The following DOCK8 variants were observed in gnomAD, a reference collection of about 807,000 sequenced individuals.
DOCK8 encodes the protein dedicator of cytokinesis 8, also known as dedicator of cytokinesis protein 8.
DOCK8 carries 141 observed loss-of-function variants against 245.6 expected under a neutral mutation model. The ratio of observed to expected loss-of-function variants is 0.57; its 90% CI spans 0.50 to 0.66. The LOEUF is 0.66. DOCK8 is among the 30% of genes least tolerant of loss of function. DOCK8 has a pLI of 0.00. For synonymous variants in DOCK8, 1,168 were observed against 970.2 expected (o/e 1.20, Z -3.79); for missense variants, 2,965 against 2,603.4 (o/e 1.14, Z -3.02).
At chr9:249,580 A>G (rs1257104771) in intron 1 of DOCK8, among the ~76,000 whole-genome samples, 2 of 152,118 alleles carry the variant, frequency 1.3e-5, no homozygotes, top group East Asian at 1.9e-4. Context: ...TTAATAGTTT[A>G]GCATGCTATT....
Position 244,792 on chromosome 9 carries a change from C to G in DOCK8, c.54-26835C>G, listed in dbSNP as rs10120842. ...AAGCTCAAAACTGCTGGAGGTGCTT[C>G]CCACCATAGCTCGTGAAGGCCCTAT... On this transcript the variant is annotated intron_variant, in intron 1 of 47. Transcript: ENST00000432829. Among the ~76,000 whole-genome samples the G allele has an allele frequency of 5.8e-3, 882 of 152,270 alleles. 5 individuals carry two copies. Among genetic ancestry groups the G allele is most frequent in the African/African-American group, 0.02 (820 of 41,546 alleles).
At position 304,620 on chromosome 9, in the gene DOCK8, T is replaced by C. The variant is rs1338729837; in HGVS notation, c.444T>C (p.Thr148=). ...CAGAAATCTGTGGCTTTAAAAAGAC[T>C]GGATCTCGAAAAGATTTTCACAAGA... ...GSPEICGFKK[T]GSRKDFHKTL... The change falls in exon 5 of 48, where the codon ACT becomes ACC. Residue 148 remains threonine (T), a synonymous_variant. Coordinates refer to ENST00000432829, the MANE Select transcript of DOCK8 (RefSeq NM_203447.4). 1.9e-6 allele frequency: 3 copies of C among 1,614,114 alleles called. No individual in the cohort carries two copies. Among genetic ancestry groups the C allele is most frequent in the Non-Finnish European group, 2.5e-6 (3 of 1,180,040 alleles).
chr9:349,311 TC>T (rs1223702097), intron 14 of DOCK8, among the ~76,000 whole-genome samples: 2 of 147,186 alleles, frequency 1.4e-5, no homozygotes, highest in African/African-American at 5.0e-5. Context: ...TCTAAAACTT[TC>T]AAAAAATGTG....
At chr9:282,419 T>C (rs1563871732) in intron 2 of DOCK8, among the ~76,000 whole-genome samples, 1 of 150,934 alleles carries the variant, frequency 6.6e-6, no homozygotes, top group Non-Finnish European at 1.5e-5. Flanking sequence ...TTTTGTTTTT[T>C]TTTTTTTTTT....
chr9:452,377 A>G, intron 46 of DOCK8: 1 of 250,664 alleles, frequency 4.0e-6, no homozygotes, highest in Non-Finnish European at 7.7e-6. Context: ...ATGAGTAACT[A>G]ACACGTCAAC....
At chr9:284,450 C>G (rs971591730) in intron 2 of DOCK8, 2 of 152,248 alleles carry the variant, frequency 1.3e-5, no homozygotes, top group African/African-American at 4.8e-5. Context: ...GGAACCGACT[C>G]TGTCCCTTCT....
At chr9:315,379 AGCTTAG>A (rs2050299553) in intron 6 of DOCK8, among the ~76,000 whole-genome samples, 5 of 152,202 alleles carry the variant, frequency 3.3e-5, no homozygotes, top group African/African-American at 1.2e-4. Flanking sequence ...AAATTCATAT[AGCTTAG>A]AAGAGACTGA....
chr9:272,855 A>C (rs975455825), intron 2 of DOCK8: 6 of 161,754 alleles, frequency 3.7e-5, no homozygotes, highest in African/African-American at 1.4e-4. Flanking sequence ...TAAAACCAGC[A>C]GTGAATATTC....
At chr9:423,795 G>T (rs2056374884) in intron 33 of DOCK8, among the ~76,000 whole-genome samples, 1 of 152,058 alleles carries the variant, frequency 6.6e-6, no homozygotes, top group African/African-American at 2.4e-5. Flanking sequence ...TGCATGCCGT[G>T]GGTGCTACAG....
rs188305836 is a variant in DOCK8, at chr9:391,111, G to C, written c.2970+545G>C. Among the ~76,000 whole-genome samples the C allele has an allele frequency of 2.0e-5, 3 of 152,086 alleles. No homozygotes were observed. The East Asian group carries it at 5.8e-4, about 29-fold the overall frequency. On this transcript the variant is annotated intron_variant, in intron 24 of 47. Transcript: ENST00000432829. ...GCTTTGAAGATGCCAAGGCCATTTTGGCCTCACAGCCTTTTCCAGATTCTC... is the reference window on the plus strand; with the variant it reads ...GCTTTGAAGATGCCAAGGCCATTTTCGCCTCACAGCCTTTTCCAGATTCTC...
chr9:297,106 A>G (rs1046659662), intron 4 of DOCK8, among the ~76,000 whole-genome samples: 16 of 152,144 alleles, frequency 1.1e-4, no homozygotes. Context: ...AGGAAGGGAG[A>G]GAAGGGAAAG....
chr9:413,594 C>T (rs1017370298), intron 28 of DOCK8, among the ~76,000 whole-genome samples: 1 of 152,026 alleles, frequency 6.6e-6, no homozygotes, highest in Non-Finnish European at 1.5e-5. Flanking sequence ...TTTTAAAAGG[C>T]AAAAGATCAG....
At chr9:384,975 CTGA>C (rs1018193832) in intron 22 of DOCK8, among the ~76,000 whole-genome samples, 1 of 152,094 alleles carries the variant, frequency 6.6e-6, no homozygotes, top group African/African-American at 2.4e-5. Context: ...CCCTGAGATG[CTGA>C]TGATCTGTAG....
intron 5 of DOCK8, among the ~76,000 whole-genome samples, chr9:305,669 C>G (rs894268665): frequency 4.6e-5 from 7 of 152,178 alleles, no homozygotes; most frequent in African/African-American, 1.7e-4. Flanking sequence ...TAACACTATT[C>G]TGTAACTAAT....
chr9:427,769 A>G (rs2056554462), intron 34 of DOCK8, among the ~76,000 whole-genome samples: 1 of 152,338 alleles, frequency 6.6e-6, no homozygotes, highest in East Asian at 1.9e-4. Flanking sequence ...CACAAAAAGT[A>G]TGTGATATTT....
chr9:451,935 A>G (rs1331426449), intron 45 of DOCK8, 76 bp from the exon 46 acceptor site: 12 of 295,770 alleles, frequency 4.1e-5, no homozygotes, highest in African/African-American at 2.1e-4. Context: ...ATGTATGTGT[A>G]TATATATATG....
rs1554711607 is a variant in DOCK8 at position 451,943 on chromosome 9, A to ATATG, written c.5962-67_5962-66insATGT. ...CATATATATGTATGTGTATATATAT[A>ATATG]TGTGTGTGTGTGTATATATATATAT... On this transcript the variant is annotated intron_variant, in intron 45 of 47. Transcript: ENST00000432829. 2.1e-4 allele frequency: 64 copies of ATATG among 305,232 alleles called. No homozygotes were observed. In the East Asian group the frequency reaches 2.1e-3, roughly 10 times the overall value. 18.9% of individuals were successfully genotyped at this position (305,232 alleles called of 1,614,324 possible). A position where few individuals can be genotyped will look rare whatever the true frequency, so the allele number is the denominator to read the frequency against.
At chr9:245,984 C>T (rs2047496483) in intron 1 of DOCK8, among the ~76,000 whole-genome samples, 1 of 151,982 alleles carries the variant, frequency 6.6e-6, no homozygotes, top group Admixed American at 6.6e-5. Flanking sequence ...CTTTGGGAGG[C>T]CAAGGAGGGT....
intron 14 of DOCK8, among the ~76,000 whole-genome samples, chr9:367,739 A>G (rs1016459655): frequency 2.6e-5 from 4 of 152,200 alleles, no homozygotes; most frequent in African/African-American, 9.6e-5. Context: ...AATTACCTCT[A>G]GGCAGATTTC....
Sources: gnomAD v4.1 joint callset for allele counts (sites outside exome capture counted in the v4.1 genomes callset) on GRCh38, gnomAD v4.1.1 for gene constraint, MANE v1.5 for transcripts, NCBI Gene and HGNC (gene_info 2026-07-23, HGNC 2026-07-21) for gene names.